The following PRKD1 variants were observed in gnomAD, a reference collection of about 807,000 sequenced individuals.
PRKD1 encodes the protein serine/threonine-protein kinase D1.
PRKD1 carries 63 observed loss-of-function variants against 95.9 expected under a neutral mutation model. The ratio of observed to expected loss-of-function variants is 0.66; its 90% CI spans 0.54 to 0.81. The LOEUF (loss-of-function observed/expected upper bound fraction) is 0.81, where lower values mean the gene tolerates loss of function less well. Ranked by LOEUF, PRKD1 falls within the 30% of genes least tolerant of loss-of-function variation. The pLI is 0.00. For synonymous variants in PRKD1, 425 were observed against 423.1 expected, an observed-to-expected ratio of 1.00 and a Z score of -0.05; for missense variants, 1,048 against 1,165.3, an observed-to-expected ratio of 0.90 and a Z score of 1.47.
chr14:29,609,466 G>A (rs1004250272), intron 13 of PRKD1, among the ~76,000 whole-genome samples: 3 of 148,484 alleles, frequency 2.0e-5, no homozygotes, highest in African/African-American at 7.4e-5. Context: ...CATAGCAAAA[G>A]AAATCACTTG....
chr14:29,812,169 C>A (rs1417582811), intron 1 of PRKD1, among the ~76,000 whole-genome samples: 2 of 152,030 alleles, frequency 1.3e-5, no homozygotes. Context: ...TTGAGAAAAA[C>A]CATGCAGAGT....
intron 16 of PRKD1, among the ~76,000 whole-genome samples, chr14:29,591,813 G>A (rs1354702477): frequency 1.3e-5 from 2 of 151,948 alleles, no homozygotes; most frequent in Non-Finnish European, 2.9e-5. Context: ...AATTTTCTGG[G>A]GTTTTTAGCA....
chr14:29,785,690 G>A (rs1009659989), intron 1 of PRKD1, among the ~76,000 whole-genome samples: 2 of 151,060 alleles, frequency 1.3e-5, no homozygotes, highest in Admixed American at 6.6e-5. Flanking sequence ...GGGGAAGGGG[G>A]AGGGATAGCT....
intron 1 of PRKD1, among the ~76,000 whole-genome samples, chr14:29,777,793 C>T (rs1215696226): frequency 6.6e-6 from 1 of 152,140 alleles, no homozygotes; most frequent in Non-Finnish European, 1.5e-5. Context: ...ACCAAGCAGA[C>T]ATAATAGACA....
At chr14:29,752,225 A>G (rs1887508950) in intron 1 of PRKD1, among the ~76,000 whole-genome samples, 1 of 152,216 alleles carries the variant, frequency 6.6e-6, no homozygotes, top group Non-Finnish European at 1.5e-5. Flanking sequence ...TATATGCTAC[A>G]TACCTCTTAT....
chr14:29,890,657 A>G (rs912709806), intron 1 of PRKD1, among the ~76,000 whole-genome samples: 1 of 152,114 alleles, frequency 6.6e-6, no homozygotes, highest in African/African-American at 2.4e-5. Context: ...AAGATAATAC[A>G]TTCCAAGCAT....
chr14:29,768,466 TTCAG>T (rs1888359965), intron 1 of PRKD1, among the ~76,000 whole-genome samples: 1 of 152,188 alleles, frequency 6.6e-6, no homozygotes, highest in Non-Finnish European at 1.5e-5. Context: ...AAATTTACCA[TTCAG>T]TAATTTATAA....
Position 29,638,995 on chromosome 14 carries a change from A to G in PRKD1, c.697-91T>C, listed in dbSNP as rs187946372. 4.9e-5 allele frequency: 46 copies of G among 947,800 alleles called. No individual in the cohort carries two copies. In the South Asian group the frequency reaches 6.2e-4, roughly 13 times the overall value. The allele number at this position is 947,800 out of a possible 1,614,324, so 58.7% of individuals were successfully genotyped here. A position where few individuals can be genotyped will look rare whatever the true frequency, so the allele number is the denominator to read the frequency against. On this transcript the variant is annotated intron_variant, in intron 4 of 17. Coordinates refer to ENST00000331968, the MANE Select transcript of PRKD1 (RefSeq NM_002742.3). ...TTTTAAGATACCGGTTTACTCTTGT[A>G]TTTAGTACTTTGATGTTTAATAATA...
chr14:29,677,007 T>C (rs1024959276), intron 2 of PRKD1, among the ~76,000 whole-genome samples: 5 of 152,214 alleles, frequency 3.3e-5, no homozygotes, highest in Non-Finnish European at 5.9e-5. Flanking sequence ...GTGGTTACTA[T>C]ATTGCAGAGT....
At chr14:29,852,768 T>C (rs1892356360) in intron 1 of PRKD1, among the ~76,000 whole-genome samples, 1 of 152,112 alleles carries the variant, frequency 6.6e-6, no homozygotes, top group Admixed American at 6.6e-5. Flanking sequence ...GAAATTTAAA[T>C]GTTTCACTTC....
chr14:29,927,281 G>T lies in PRKD1; in HGVS notation c.232C>A (p.Arg78Ser). ...SSGDYSLAHV[R>S]EMACSIVDQK... ...TCGACAATGGAGCAAGCCATCTCGC[G>T]GACGTGCGCCAGGCTGTAGTCCCCG... Residue 78 changes from arginine (R) to serine (S), a missense_variant, in exon 1 of 18, where the codon CGC becomes AGC. Coordinates refer to ENST00000331968, the MANE Select transcript of PRKD1 (RefSeq NM_002742.3). 4 of 1,532,660 alleles carry T rather than the reference G, an allele frequency of 2.6e-6. No homozygotes were observed. The highest frequency in any genetic ancestry group is 1.7e-4 in the Middle Eastern group (1 of 5,884). 94.9% of individuals were successfully genotyped at this position (1,532,660 alleles called of 1,614,324 possible).
chr14:29,641,559 T>G (rs1249716514), intron 4 of PRKD1, among the ~76,000 whole-genome samples: 1 of 152,224 alleles, frequency 6.6e-6, no homozygotes, highest in Non-Finnish European at 1.5e-5. Context: ...ACTGAAGTTC[T>G]GTTTTCAGTA....
chr14:29,773,406 G>A (rs1888595729), intron 1 of PRKD1, among the ~76,000 whole-genome samples: 1 of 149,850 alleles, frequency 6.7e-6, no homozygotes, highest in Non-Finnish European at 1.5e-5. Context: ...GTTGCAGTGA[G>A]CTGAGATTGT....
At chr14:29,910,056 G>T (rs560718599) in intron 1 of PRKD1, among the ~76,000 whole-genome samples, 33 of 152,236 alleles carry the variant, frequency 2.2e-4, no homozygotes, top group Non-Finnish European at 2.6e-4. Context: ...ACCTGCTGGG[G>T]TCCCCTTCCA....
At chr14:29,822,090 T>G (rs2139271767) in intron 1 of PRKD1, among the ~76,000 whole-genome samples, 1 of 152,312 alleles carries the variant, frequency 6.6e-6, no homozygotes, top group Non-Finnish European at 1.5e-5. Context: ...CTTTTTAAAT[T>G]TTATGATTAA....
chr14:29,882,811 T>C (rs930183361), intron 1 of PRKD1, among the ~76,000 whole-genome samples: 1 of 152,224 alleles, frequency 6.6e-6, no homozygotes, highest in African/African-American at 2.4e-5. Flanking sequence ...ATCAATAGTC[T>C]ATCATGTATC....
At chr14:29,760,656 C>T (rs1164555288) in intron 1 of PRKD1, among the ~76,000 whole-genome samples, 5 of 152,076 alleles carry the variant, frequency 3.3e-5, no homozygotes, top group African/African-American at 1.2e-4. Context: ...CCTGCCTTTT[C>T]TCACCTTCCT....
chr14:29,914,777 CTTTTT>C (rs112898460), intron 1 of PRKD1, among the ~76,000 whole-genome samples: 2 of 144,332 alleles, frequency 1.4e-5, no homozygotes, highest in Non-Finnish European at 3.1e-5. Context: ...CTTTTCTTTT[CTTTTT>C]TTTTTTTTGA....
chr14:29,648,552 T>A (rs2139168518), intron 4 of PRKD1, among the ~76,000 whole-genome samples: 1 of 152,330 alleles, frequency 6.6e-6, no homozygotes, highest in South Asian at 2.1e-4. Flanking sequence ...TTTTTCCAGG[T>A]TTGAACTGGG....
Sources: gnomAD v4.1 joint callset for allele counts (sites outside exome capture counted in the v4.1 genomes callset) on GRCh38, gnomAD v4.1.1 for gene constraint, MANE v1.5 for transcripts, NCBI Gene and HGNC (gene_info 2026-07-23, HGNC 2026-07-21) for gene names.